OSBPL10: variants seen among roughly 807,000 people sequenced by gnomAD.
OSBPL10 encodes oxysterol-binding protein-related protein 10.
OSBPL10 carries 49 observed loss-of-function variants against 81.7 expected under a neutral mutation model. That is an observed-to-expected ratio of 0.60 (90% confidence interval 0.48 to 0.76). The LOEUF is 0.76. Ranked by LOEUF, OSBPL10 falls within the 30% of genes least tolerant of loss-of-function variation. OSBPL10 has a pLI of 0.00. For synonymous variants in OSBPL10, 419 were observed against 383.6 expected (o/e 1.09, Z -1.08); for missense variants, 923 against 987.8 (o/e 0.93, Z 0.88).
chr3:31,982,599 G>C (rs1041589719), upstream of OSBPL10, among the ~76,000 whole-genome samples: 1 of 151,840 alleles, frequency 6.6e-6, no homozygotes, highest in Non-Finnish European at 1.5e-5. Flanking sequence ...GAGTTGAAGA[G>C]AAGTGGTTGT....
chr3:32,000,240 G>A (rs919305284), intron 2 of OSBPL10, among the ~76,000 whole-genome samples: 7 of 152,122 alleles, frequency 4.6e-5, no homozygotes, highest in South Asian at 2.1e-4. Context: ...TCATGCTGAC[G>A]TGACAGAATG....
rs574226285 is a variant in OSBPL10 at position 31,838,286 on chromosome 3, G to A, written c.538-8055C>T. Among the ~76,000 whole-genome samples the A allele has an allele frequency of 6.6e-5, 10 of 152,144 alleles. No homozygotes were observed. The South Asian group carries it at 1.0e-3, about 16-fold the overall frequency. The stretch of plus-strand genomic sequence containing the variant: ...AGCACTTTGGGAGGCTGAGGTGGGC[G>A]GATCATGAGGTCAGGAGATCGAGAC... On this transcript the variant is annotated intron_variant, in intron 3 of 11. Coordinates refer to ENST00000396556, the MANE Select transcript of OSBPL10 (RefSeq NM_017784.5).
At chr3:31,755,217 C>T (rs766637062) in intron 4 of OSBPL10, among the ~76,000 whole-genome samples, 9 of 152,138 alleles carry the variant, frequency 5.9e-5, no homozygotes, top group Admixed American at 2.0e-4. Context: ...TTGCTCATGC[C>T]CATAGCTGCA....
intron 3 of OSBPL10, among the ~76,000 whole-genome samples, chr3:31,858,917 CA>C (rs1700994263): frequency 6.6e-6 from 1 of 152,214 alleles, no homozygotes; most frequent in South Asian, 2.1e-4. Flanking sequence ...CTTGGCTTAA[CA>C]ACCAAGTTAT....
chr3:31,891,720 G>T (rs953168301), intron 1 of OSBPL10, among the ~76,000 whole-genome samples: 4 of 152,122 alleles, frequency 2.6e-5, no homozygotes, highest in Admixed American at 2.0e-4. Flanking sequence ...TTTGGCAGGG[G>T]CTCACACTCA....
At chr3:31,980,543 A>C (rs1698804484) in intron 1 of OSBPL10, among the ~76,000 whole-genome samples, 1 of 152,110 alleles carries the variant, frequency 6.6e-6, no homozygotes, top group Admixed American at 6.5e-5. Flanking sequence ...TCCCTTTCCC[A>C]GTCATTCTTC....
rs372123385 is a variant in OSBPL10, at chr3:31,980,982, G to C, written c.198C>G (p.Ser66=). The C allele has an allele frequency of 1.3e-6, 2 of 1,553,346 alleles. No individual in the cohort carries two copies. Among genetic ancestry groups the C allele is most frequent in the Non-Finnish European group, 1.7e-6 (2 of 1,155,018 alleles). The change falls in exon 1 of 12, where the codon TCC becomes TCG. Residue 66 remains serine, a synonymous_variant. Coordinates refer to ENST00000396556, the MANE Select transcript of OSBPL10 (RefSeq NM_017784.5). ...SSPGSVAASP[S]GGGGRRREPA... is the part of the protein sequence containing the mutation. ...GCTCCCTCCTGCGGCCGCCTCCCCC[G>C]GACGGGCTAGCGGCCACAGAGCCCG...
intron 3 of OSBPL10, among the ~76,000 whole-genome samples, chr3:31,842,716 A>T (rs1218738384): frequency 6.6e-6 from 1 of 152,162 alleles, no homozygotes; most frequent in African/African-American, 2.4e-5. Flanking sequence ...ATTTTTTAAG[A>T]GTTTCATCTT....
intron 2 of OSBPL10, among the ~76,000 whole-genome samples, chr3:32,029,314 T>C (rs1158656540): frequency 6.6e-6 from 1 of 152,200 alleles, no homozygotes; most frequent in African/African-American, 2.4e-5. Context: ...TTTAATTTTA[T>C]TTTATTATTA....
intron 1 of OSBPL10, among the ~76,000 whole-genome samples, chr3:31,952,899 T>A (rs1697908262): frequency 6.6e-6 from 1 of 151,712 alleles, no homozygotes; most frequent in African/African-American, 2.4e-5. Flanking sequence ...GGATGGGATC[T>A]GGTGATGAAA....
intron 4 of OSBPL10, among the ~76,000 whole-genome samples, chr3:31,765,454 A>G (rs542218398): frequency 6.6e-6 from 1 of 151,916 alleles, no homozygotes; most frequent in Non-Finnish European, 1.5e-5. Flanking sequence ...GATGTGGCAA[A>G]CTGTGGGCAA....
intron 3 of OSBPL10, among the ~76,000 whole-genome samples, chr3:31,840,287 G>A (rs573886058): frequency 2.1e-4 from 32 of 152,274 alleles, no homozygotes; most frequent in African/African-American, 6.7e-4. Flanking sequence ...AACATTTCAA[G>A]AAGCAAATTT....
intron 6 of OSBPL10, among the ~76,000 whole-genome samples, chr3:31,714,370 G>A (rs1696364437): frequency 6.6e-6 from 1 of 152,186 alleles, no homozygotes; most frequent in South Asian, 2.1e-4. Flanking sequence ...CAAACAGTGA[G>A]TTATTGCGGG....
At chr3:31,726,467 C>A (rs1171578463) in intron 6 of OSBPL10, among the ~76,000 whole-genome samples, 1 of 152,012 alleles carries the variant, frequency 6.6e-6, no homozygotes, top group Admixed American at 6.5e-5. Flanking sequence ...TAGGCACCCA[C>A]CACCATGCCC....
At chr3:31,679,086 A>T (rs530310126) in intron 8 of OSBPL10, among the ~76,000 whole-genome samples, 6 of 151,312 alleles carry the variant, frequency 4.0e-5, no homozygotes, top group African/African-American at 1.5e-4. Flanking sequence ...ACTGCTGCAG[A>T]CACAGTGGCC....
intron 1 of OSBPL10, among the ~76,000 whole-genome samples, chr3:32,047,897 C>T (rs1699638051): frequency 2.0e-5 from 3 of 152,014 alleles, no homozygotes; most frequent in Non-Finnish European, 4.4e-5. Flanking sequence ...AATCTCCTGA[C>T]CTTGTGATCC....
At chr3:31,677,633 G>A (rs1001155555) in intron 8 of OSBPL10, among the ~76,000 whole-genome samples, 13 of 152,160 alleles carry the variant, frequency 8.5e-5, no homozygotes, top group South Asian at 6.2e-4. Context: ...GGTGTTCCAC[G>A]GCTTCTCACC....
At position 32,013,976 on chromosome 3, in the gene OSBPL10, A is replaced by C. The variant is rs181302666; in HGVS notation, n.298+32515T>G. Among the ~76,000 whole-genome samples the C allele has an allele frequency of 2.7e-3, 413 of 152,228 alleles. 1 individual carries two copies. Among genetic ancestry groups the C allele is most frequent in the Admixed American group, 5.3e-3 (81 of 15,284 alleles). On this transcript the variant is annotated intron_variant and non_coding_transcript_variant, in intron 2 of 3. Transcript: ENST00000479173. Reference sequence around the variant, plus strand: ...TAATAGCTTAGCAACCAAAAAAAGTACAGGACCAGATGGATTCACAGCCGA... The same window carrying C: ...TAATAGCTTAGCAACCAAAAAAAGTCCAGGACCAGATGGATTCACAGCCGA...
chr3:31,725,175 A>G (rs1696767986), intron 6 of OSBPL10, among the ~76,000 whole-genome samples: 1 of 152,252 alleles, frequency 6.6e-6, no homozygotes, highest in Non-Finnish European at 1.5e-5. Context: ...AATGCCCACT[A>G]TATAATAAGA....
Sources: allele counts gnomAD v4.1 joint callset (sites outside exome capture counted in the v4.1 genomes callset), GRCh38; gene constraint gnomAD v4.1.1; transcripts MANE v1.5; gene names NCBI Gene and HGNC (gene_info 2026-07-23, HGNC 2026-07-21).